CNTRL: variants seen among roughly 807,000 people sequenced by gnomAD.
The protein encoded by CNTRL is 110 kDa centrosomal protein.
A neutral mutation model predicts 303.7 loss-of-function variants in CNTRL; 233 were observed. The ratio of observed to expected loss-of-function variants is 0.77; its 90% CI spans 0.69 to 0.86. The LOEUF (loss-of-function observed/expected upper bound fraction) is 0.86. Among genes scored for constraint, CNTRL ranks in the 40% least tolerant of loss-of-function variants. The pLI is 0.00. For synonymous variants in CNTRL, 900 were observed against 922.2 expected (o/e 0.98, Z 0.44); for missense variants, 2,524 against 2,650.6 (o/e 0.95, Z 1.05).
chr9:121,091,812 C>T (rs2048583617), intron 4 of CNTRL, among the ~76,000 whole-genome samples: 1 of 151,424 alleles, frequency 6.6e-6, no homozygotes, highest in African/African-American at 2.4e-5. Context: ...CCATTGTACT[C>T]TAGCCTGGGC....
At chr9:121,145,489 G>C (rs1177850831) in intron 22 of CNTRL, 104 bp downstream of exon 22, 33 of 1,132,624 alleles carry the variant, frequency 2.9e-5, no homozygotes, top group Non-Finnish European at 4.1e-5. Flanking sequence ...GTCCATGCTT[G>C]ATTCAGAGAG....
At chr9:121,148,624 G>C (rs778020063) in intron 23 of CNTRL, 48 bp from the exon 24 acceptor site, 21 of 1,517,738 alleles carry the variant, frequency 1.4e-5, no homozygotes, top group Non-Finnish European at 1.9e-5. Flanking sequence ...CTTAAAATCA[G>C]CCTTTCCATT....
At position 121,115,154 on chromosome 9, in the gene CNTRL, C is replaced by G. The variant is rs1226602891; in HGVS notation, c.1409C>G (p.Ala470Gly). 1.2e-6 allele frequency: 2 copies of G among 1,609,116 alleles called. No individual in the cohort carries two copies. Among genetic ancestry groups the G allele is most frequent in the Non-Finnish European group, 8.5e-7 (1 of 1,177,220 alleles). ...IEKAEQQILRATEEFKQLEEA... is the reference protein window; with the variant it reads ...IEKAEQQILRGTEEFKQLEEA... ...AAGGCAGAACAACAAATTTTGAGAG[C>G]TACTGAAGAATTTAAACAACTGGAA... Residue 470 changes from alanine (A) to glycine (G), a missense_variant, in exon 11 of 44, where the codon GCT (alanine) becomes GGT (glycine). Ala to Gly is a moderately conservative substitution (Grantham distance 60). Transcript: ENST00000373855.
rs1483962654 is a variant in CNTRL at position 121,158,864 on chromosome 9, C to A, written c.4774C>A (p.Gln1592Lys). The A allele has an allele frequency of 6.2e-7, 1 of 1,613,932 alleles. No homozygotes were observed. Among genetic ancestry groups the A allele is most frequent in the East Asian group, 2.2e-5 (1 of 44,876 alleles). ...LEKLKSQVTS[Q>K]QQEMAVLDRQ... is the part of the protein sequence containing the mutation. ...CTTTTCTTTAATACAGGTGACAAGT[C>A]AGCAGCAGGAGATGGCTGTCTTGGA... The change falls in exon 31 of 44, where the codon CAG (glutamine) becomes AAG (lysine). Residue 1592 changes from glutamine (Q) to lysine (K), a missense_variant. Physicochemically the swap from Gln to Lys is moderately conservative, Grantham distance 53 (BLOSUM62 1). Transcript: ENST00000373855.
intron 7 of CNTRL, among the ~76,000 whole-genome samples, chr9:121,104,722 A>G (rs2049373540): frequency 1.3e-5 from 1 of 75,734 alleles, no homozygotes; most frequent in Non-Finnish European, 2.8e-5. Context: ...TTTTTTTGAG[A>G]CAGAGTTTCG....
chr9:121,171,236 C>A, intron 39 of CNTRL, 172 bp from the exon 40 acceptor site: 2 of 709,544 alleles, frequency 2.8e-6, no homozygotes, highest in Non-Finnish European at 2.6e-6. Flanking sequence ...TGTATATACG[C>A]CCAGCTGTAT....
intron 27 of CNTRL, among the ~76,000 whole-genome samples, chr9:121,157,210 C>T (rs1271780215): frequency 6.6e-6 from 1 of 152,206 alleles, no homozygotes; most frequent in East Asian, 1.9e-4. Flanking sequence ...TGAAAGGCTA[C>T]ACAGTATTCC....
chr9:121,124,955 AAAAAG>A (rs913554796), intron 13 of CNTRL, among the ~76,000 whole-genome samples: 3 of 151,552 alleles, frequency 2.0e-5, no homozygotes, highest in South Asian at 4.2e-4. Context: ...AAAAAAAAAA[AAAAAG>A]AGAGAGATAG....
intron 34 of CNTRL, among the ~76,000 whole-genome samples, chr9:121,164,734 C>T (rs534849785): frequency 2.7e-4 from 41 of 152,248 alleles, no homozygotes; most frequent in African/African-American, 9.9e-4. Flanking sequence ...TTTTATAAAA[C>T]TTCAATTTAG....
chr9:121,175,222 C>CAGGT lies in CNTRL; in HGVS notation c.6954_6954+3dup, dbSNP rs1207382350. On this transcript the variant is annotated frameshift_variant and splice_region_variant, in exon 43 of 44. Coordinates refer to ENST00000373855, the MANE Select transcript of CNTRL (RefSeq NM_007018.6). LOFTEE classifies it high-confidence loss of function. ...AGAGGACTCTCAACTTGGACAAAAT[C>CAGGT]AGGTAAGCAGCAGCTCTTTTTAAAA... The CAGGT allele has an allele frequency of 1.2e-6, 2 of 1,613,590 alleles. No individual in the cohort carries two copies. Among genetic ancestry groups the CAGGT allele is most frequent in the African/African-American group, 2.7e-5 (2 of 74,930 alleles).
Position 121,156,628 on chromosome 9 carries a change from T to C in CNTRL, c.4366-842T>C, listed in dbSNP as rs558690317. Among the ~76,000 whole-genome samples, 29 of 152,292 alleles carry C rather than the reference T, an allele frequency of 1.9e-4. No homozygotes were observed. In the South Asian group the frequency reaches 5.2e-3, roughly 27 times the overall value. ...CTCTGGCTTTAGTACAATGGCAGAC[T>C]TCAGTTTTTTTTGGCTGAAGGTGAG... On this transcript the variant is annotated intron_variant, in intron 27 of 43. Transcript: ENST00000373855.
chr9:121,145,998 A>G (rs902201462), intron 22 of CNTRL, 110 bp from the exon 23 acceptor site: 7 of 952,376 alleles, frequency 7.4e-6, no homozygotes, highest in African/African-American at 3.3e-5. Context: ...ACTGAAAGTC[A>G]GCTTTGAGGA....
intron 14 of CNTRL, among the ~76,000 whole-genome samples, chr9:121,134,527 C>T (rs2051070933): frequency 6.6e-6 from 1 of 152,136 alleles, no homozygotes; most frequent in Non-Finnish European, 1.5e-5. Context: ...AATCTCCTGA[C>T]TTCGTGATCC....
Position 121,131,382 on chromosome 9 carries a change from G to GT in CNTRL, c.2026-4423dup, listed in dbSNP as rs564949322. On this transcript the variant is annotated intron_variant, in intron 14 of 43. Transcript: ENST00000373855. The stretch of plus-strand genomic sequence containing the variant: ...GTTGAATTGATCCCTTCACCATTAT[G>GT]TAATACCCTTCTTTGTCGCTTTTGA... Among the ~76,000 whole-genome samples, 9 of 152,314 alleles carry GT rather than the reference G, an allele frequency of 5.9e-5. No individual in the cohort carries two copies. The East Asian group carries it at 1.7e-3, about 29-fold the overall frequency.
At chr9:121,120,552 T>C (rs960062209) in intron 12 of CNTRL, among the ~76,000 whole-genome samples, 1 of 152,206 alleles carries the variant, frequency 6.6e-6, no homozygotes, top group African/African-American at 2.4e-5. Context: ...ACCAGCCCTA[T>C]GTTTATGAAT....
chr9:121,154,839 C>G lies in CNTRL; in HGVS notation c.4291C>G (p.Arg1431Gly). 1.9e-6 allele frequency: 3 copies of G among 1,614,082 alleles called. No homozygotes were observed. Among genetic ancestry groups the G allele is most frequent in the Non-Finnish European group, 2.5e-6 (3 of 1,179,930 alleles). The stretch of plus-strand genomic sequence containing the variant: ...GTGCATTGAGAAGACTCTTCTGAAA[C>G]GTCGCTCAGAGCTCAGGGAAGCTGA... ...IECIEKTLLK[R>G]RSELREADRL... Residue 1431 changes from arginine to glycine, a missense_variant, in exon 27 of 44, where the codon CGT becomes GGT. By Grantham distance (125) the Arg-to-Gly change is moderately radical. Transcript: ENST00000373855.
intron 5 of CNTRL, among the ~76,000 whole-genome samples, chr9:121,095,458 C>T (rs537938420): frequency 6.6e-6 from 1 of 152,114 alleles, no homozygotes; most frequent in South Asian, 2.1e-4. Context: ...ATCCTGTTTC[C>T]AATTCATAAT....
At chr9:121,122,083 C>A in intron 12 of CNTRL, 1 of 284,376 alleles carries the variant, frequency 3.5e-6, no homozygotes, top group Non-Finnish European at 5.3e-6. Flanking sequence ...CTTTTGTTCC[C>A]ATGTATTTAA....
chr9:121,118,212 A>C, intron 11 of CNTRL, 134 bp from the exon 12 acceptor site: 1 of 612,254 alleles, frequency 1.6e-6, no homozygotes, highest in Non-Finnish European at 2.5e-6. Flanking sequence ...GAGTGCTTAG[A>C]TAACTCCCAC....
Sources: allele counts gnomAD v4.1 joint callset (sites outside exome capture counted in the v4.1 genomes callset), GRCh38; gene constraint gnomAD v4.1.1; transcripts MANE v1.5; gene names NCBI Gene and HGNC (gene_info 2026-07-23, HGNC 2026-07-21).